P4HA2: variants seen among roughly 807,000 people sequenced by gnomAD.
P4HA2 encodes the protein prolyl 4-hydroxylase subunit alpha-2.
P4HA2 carries 46 observed loss-of-function variants against 76.9 expected under a neutral mutation model. That is an observed-to-expected ratio of 0.60 (90% CI 0.47 to 0.76). The LOEUF (loss-of-function observed/expected upper bound fraction) is 0.76. P4HA2 is among the 30% of genes least tolerant of loss of function. The probability of loss-of-function intolerance (pLI) is 0.00; values close to 1 mark genes in which losing one functional copy is unlikely to be tolerated. For missense variants in P4HA2, 583 were observed against 669.4 expected, an observed-to-expected ratio of 0.87 and a Z score of 1.42; for synonymous variants, 243 against 254.0, an observed-to-expected ratio of 0.96 and a Z score of 0.41.
chr5:132,209,730 G>A (rs937628141), intron 6 of P4HA2, among the ~76,000 whole-genome samples: 15 of 142,172 alleles, frequency 1.1e-4, no homozygotes, highest in Non-Finnish European at 1.3e-4. Context: ...AGCTGAGATC[G>A]TGCCACTGCT....
chr5:132,221,768 A>G (rs1039671763), intron 1 of P4HA2, among the ~76,000 whole-genome samples: 6 of 152,252 alleles, frequency 3.9e-5, no homozygotes, highest in African/African-American at 1.4e-4. Flanking sequence ...TAAAGAAAAC[A>G]AAGCAGGCCC....
At chr5:132,199,006 C>T in intron 10 of P4HA2, 74 bp from the exon 11 acceptor site, 2 of 1,023,800 alleles carry the variant, frequency 2.0e-6, no homozygotes, top group South Asian at 1.3e-5. Flanking sequence ...TCTAGGGATA[C>T]CATCTTCCCA....
chr5:132,227,723 C>T (rs1755598455), intron 1 of P4HA2, 67 bp downstream of exon 1: 1 of 152,218 alleles, frequency 6.6e-6, no homozygotes, highest in Non-Finnish European at 1.5e-5. Flanking sequence ...GAACGCACCG[C>T]CTGGCGACCC....
chr5:132,221,179 T>A (rs1454440108), intron 1 of P4HA2, among the ~76,000 whole-genome samples: 1 of 152,224 alleles, frequency 6.6e-6, no homozygotes, highest in Non-Finnish European at 1.5e-5. Flanking sequence ...TGAAAGTATG[T>A]GTACCTGCTG....
At position 132,218,498 on chromosome 5, in the gene P4HA2, C is replaced by T. The variant is rs754034995; in HGVS notation, c.82+47G>A. 5.5e-6 allele frequency: 7 copies of T among 1,283,858 alleles called. No homozygotes were observed. The South Asian group carries it at 8.4e-5, about 15-fold the overall frequency. 79.5% of individuals were successfully genotyped at this position (1,283,858 alleles called of 1,614,324 possible). On this transcript the variant is annotated intron_variant, in intron 2 of 14. Coordinates refer to ENST00000360568, the MANE Select transcript of P4HA2 (RefSeq NM_001017974.2). ...AGGCTGCAGCCAGAGACATCCGTGG[C>T]ATGTGAGCCAAGGTGTCAGGGAGAC...
intron 6 of P4HA2, among the ~76,000 whole-genome samples, chr5:132,209,868 T>C (rs990609302): frequency 1.3e-5 from 2 of 151,136 alleles, no homozygotes; most frequent in Non-Finnish European, 2.9e-5. Context: ...ATCAATGCCA[T>C]ATGAAGTCCT....
chr5:132,210,465 G>A lies in P4HA2; in HGVS notation c.528C>T (p.Ala176=). 2 of 1,614,030 alleles carry A rather than the reference G, an allele frequency of 1.2e-6. No homozygotes were observed. Among genetic ancestry groups the A allele is most frequent in the Admixed American group, 1.7e-5 (1 of 60,014 alleles). ...VDDCFGMGRS[A]YNEGDYYHTV... ...TATGATAATAGTCCCCTTCATTGTA[G>A]GCCGAGCGGCCCATCCCAAAGCAGT... is the stretch of plus-strand genomic sequence containing the variant. Residue 176 remains alanine (A), a synonymous_variant, in exon 6 of 15, where the codon GCC becomes GCT. Transcript: ENST00000360568.
intron 4 of P4HA2, among the ~76,000 whole-genome samples, chr5:132,215,565 C>T (rs1013409752): frequency 1.3e-5 from 2 of 152,216 alleles, no homozygotes; most frequent in African/African-American, 4.8e-5. Context: ...AATCCCTCTC[C>T]AGAGGCCACC....
In P4HA2 at chr5:132,216,365, T is replaced by C. The variant is rs755896649; in HGVS notation, c.331+832A>G. Among the ~76,000 whole-genome samples, 89 of 152,096 alleles carry C rather than the reference T, an allele frequency of 5.9e-4. 1 individual carries two copies. The highest frequency in any genetic ancestry group is 7.1e-4 in the Non-Finnish European group (48 of 68,020). On this transcript the variant is annotated intron_variant, in intron 4 of 14. Transcript: ENST00000360568. ...AAAGTTCACACTCTCATCGGTAATA[T>C]CACTTCTAGGAACTTACCCTAAAAA...
At chr5:132,223,696 A>C (rs1754944374) in intron 1 of P4HA2, among the ~76,000 whole-genome samples, 2 of 152,264 alleles carry the variant, frequency 1.3e-5, no homozygotes, top group South Asian at 4.1e-4. Flanking sequence ...GTTTCCAAAA[A>C]TCTTTCATTT....
At chr5:132,197,629 A>AAAG (rs1262111764) in intron 12 of P4HA2, among the ~76,000 whole-genome samples, 2 of 150,362 alleles carry the variant, frequency 1.3e-5, no homozygotes, top group South Asian at 2.1e-4. Context: ...AAAAAAAAAA[A>AAAG]AAGAAGAAGA....
At chr5:132,220,537 C>T (rs1754521964) in intron 1 of P4HA2, among the ~76,000 whole-genome samples, 1 of 152,224 alleles carries the variant, frequency 6.6e-6, no homozygotes. Flanking sequence ...GTTGCAGTTG[C>T]ATACCTTTTT....
At chr5:132,210,167 G>T in intron 6 of P4HA2, 117 bp downstream of exon 6, 2 of 1,169,080 alleles carry the variant, frequency 1.7e-6, no homozygotes, top group Non-Finnish European at 2.5e-6. Context: ...TTAGTCACTG[G>T]CCAAGTGACA....
At chr5:132,225,231 C>T (rs150932425) in intron 1 of P4HA2, among the ~76,000 whole-genome samples, 4 of 152,282 alleles carry the variant, frequency 2.6e-5, no homozygotes, top group African/African-American at 9.6e-5. Flanking sequence ...AACTCTCACT[C>T]CAGCACTCTG....
chr5:132,225,484 C>A (rs965685594), intron 1 of P4HA2, among the ~76,000 whole-genome samples: 1 of 152,190 alleles, frequency 6.6e-6, no homozygotes, highest in Non-Finnish European at 1.5e-5. Context: ...TTCCCTCAAC[C>A]GACTCATTCC....
chr5:132,196,860 C>CAA (rs34410092), intron 12 of P4HA2, among the ~76,000 whole-genome samples: 6,837 of 99,732 alleles, frequency 0.069, 539 homozygotes, highest in African/African-American at 0.18. Context: ...GAGTCTGTCT[C>CAA]AAAAAAAAAA....
intron 1 of P4HA2, chr5:132,226,955 T>C (rs1396107184): frequency 6.5e-6 from 1 of 152,734 alleles, no homozygotes; most frequent in African/African-American, 2.4e-5. Flanking sequence ...CTGTCCACGA[T>C]GCCCTTTTGC....
intron 12 of P4HA2, among the ~76,000 whole-genome samples, chr5:132,195,982 C>G (rs79491266): frequency 0.02 from 2,985 of 152,292 alleles, 107 homozygotes; most frequent in African/African-American, 0.066. Flanking sequence ...CTGGGGCCAA[C>G]TGAGTGGAAG....
At chr5:132,193,166 C>G in intron 14 of P4HA2, 86 bp from the exon 15 acceptor site, 1 of 873,200 alleles carries the variant, frequency 1.1e-6, no homozygotes, top group Non-Finnish European at 1.9e-6. Flanking sequence ...ACCCCCTGCA[C>G]TGTGCCCTGG....
Sources: gnomAD v4.1 joint callset for allele counts (sites outside exome capture counted in the v4.1 genomes callset) on GRCh38, gnomAD v4.1.1 for gene constraint, MANE v1.5 for transcripts, NCBI Gene and HGNC (gene_info 2026-07-23, HGNC 2026-07-21) for gene names.